Variants in SELENOT observed in about 807,000 individuals in gnomAD.
SELENOT encodes the protein selenoprotein T, also known as thioredoxin reductase-like selenoprotein T.
In SELENOT, 9 loss-of-function variants were observed where a neutral mutation model predicts 24.3. The observed-to-expected ratio is 0.37, with a 90% confidence interval of 0.22 to 0.65. The LOEUF is 0.65. Ranked by LOEUF, SELENOT falls within the 30% of genes least tolerant of loss-of-function variation. The probability of loss-of-function intolerance (pLI) is 0.60; values close to 1 mark genes in which losing one functional copy is unlikely to be tolerated. For missense variants in SELENOT, 166 were observed against 247.6 expected (o/e 0.67, Z 2.21); for synonymous variants, 81 against 86.0 (o/e 0.94, Z 0.32).
intron 3 of SELENOT, among the ~76,000 whole-genome samples, chr3:150,624,177 A>T (rs1461042036): frequency 1.3e-5 from 2 of 152,058 alleles, no homozygotes; most frequent in Non-Finnish European, 2.9e-5. Context: ...AACAAACCCC[A>T]CCTAGCTCCT....
chr3:150,624,748 A>C, intron 3 of SELENOT, 64 bp from the exon 4 acceptor site: 2 of 1,000,144 alleles, frequency 2.0e-6, no homozygotes, highest in Non-Finnish European at 3.0e-6. Context: ...CTTTTAAAGT[A>C]GATTAAAAAG....
chr3:150,621,060 G>A (rs1298192982), intron 1 of SELENOT, among the ~76,000 whole-genome samples: 1 of 152,106 alleles, frequency 6.6e-6, no homozygotes, highest in African/African-American at 2.4e-5. Context: ...AGCATGTAGT[G>A]AGAAAGAATA....
At chr3:150,621,614 C>CTTTTTTTTT (rs35489270) in intron 1 of SELENOT, among the ~76,000 whole-genome samples, 31 of 80,554 alleles carry the variant, frequency 3.8e-4, no homozygotes, top group African/African-American at 4.3e-4. Context: ...GGCATATTTC[C>CTTTTTTTTT]TTTTTTTTTT....
intron 1 of SELENOT, among the ~76,000 whole-genome samples, chr3:150,611,054 T>C (rs1003181446): frequency 6.6e-6 from 1 of 152,134 alleles, no homozygotes; most frequent in Non-Finnish European, 1.5e-5. Context: ...TTTGTTTTCT[T>C]TTTTAATAGT....
chr3:150,615,819 T>C (rs1726199152), intron 1 of SELENOT, among the ~76,000 whole-genome samples: 3 of 152,062 alleles, frequency 2.0e-5, no homozygotes, highest in Admixed American at 1.3e-4. Flanking sequence ...AAGCTACCAA[T>C]GCCTTTCTTC....
intron 1 of SELENOT, among the ~76,000 whole-genome samples, chr3:150,605,037 CAA>C (rs10663147): frequency 3.4e-5 from 4 of 117,174 alleles, no homozygotes; most frequent in Admixed American, 8.8e-5. Context: ...AACTCCGTCT[CAA>C]AAAAAAAAAA....
intron 5 of SELENOT, 120 bp downstream of exon 5, chr3:150,627,283 G>T: frequency 2.6e-6 from 2 of 761,908 alleles, no homozygotes; most frequent in Non-Finnish European, 4.0e-6. Context: ...ACAGAGGGAT[G>T]TATTCTTCAT....
At chr3:150,604,599 G>C (rs1053205506) in intron 1 of SELENOT, among the ~76,000 whole-genome samples, 10 of 152,144 alleles carry the variant, frequency 6.6e-5, no homozygotes, top group African/African-American at 1.9e-4. Flanking sequence ...TCTCCAACTA[G>C]CTTTTTACTT....
Position 150,607,004 on chromosome 3 carries a change from A to G in SELENOT, c.137+3505A>G, listed in dbSNP as rs1425476555. Among the ~76,000 whole-genome samples the G allele has an allele frequency of 2.0e-5, 3 of 152,376 alleles. No homozygotes were observed. The East Asian group carries it at 5.8e-4, about 29-fold the overall frequency. ...ACTTTCTCCGTATATGCGATTTAAC[A>G]TGTAATCAGATCTACAGCATTTAAT... On this transcript the variant is annotated intron_variant, in intron 1 of 5. Transcript: ENST00000471696.
In SELENOT at chr3:150,629,475, G is replaced by A. The variant is rs1470618464; in HGVS notation, c.*1846G>A. 2.0e-5 allele frequency: 3 copies of A among 152,578 alleles called. No individual in the cohort carries two copies. The East Asian group carries it at 5.8e-4, about 29-fold the overall frequency. The allele number at this position is 152,578 out of a possible 1,614,324, so 9.5% of individuals were successfully genotyped here. On this transcript the variant is annotated 3_prime_UTR_variant, in exon 6 of 6. Coordinates refer to ENST00000471696, the MANE Select transcript of SELENOT (RefSeq NM_016275.5). ...TTGAATGTCTTGCTGAATGTGTCTA[G>A]GGGTTCATCTTCAGTAATCGACATT...
Position 150,603,452 on chromosome 3 carries a change from A to G in SELENOT, c.90A>G (p.Arg30=). The change falls in exon 1 of 6, where the codon AGA becomes AGG. Residue 30 remains arginine, a synonymous_variant. Coordinates refer to ENST00000471696, the MANE Select transcript of SELENOT (RefSeq NM_016275.5). ...SANLGGVPSK[R]LKMQYATGPL... ...ATCTGGGCGGCGTGCCCAGCAAGAG[A>G]TTAAAGATGCAGTACGCCACGGGGC... is the stretch of plus-strand genomic sequence containing the variant. 6.2e-7 allele frequency: 1 copy of G among 1,612,860 alleles called. No individual in the cohort carries two copies. Among genetic ancestry groups the G allele is most frequent in the South Asian group, 1.1e-5 (1 of 90,988 alleles).
intron 1 of SELENOT, chr3:150,611,136 A>G: frequency 1.7e-6 from 1 of 596,268 alleles, no homozygotes; most frequent in Non-Finnish European, 2.9e-6. Flanking sequence ...TAATTATTAG[A>G]GTCAGAAACA....
chr3:150,615,073 A>G (rs192778449), intron 1 of SELENOT, among the ~76,000 whole-genome samples: 3 of 129,842 alleles, frequency 2.3e-5, no homozygotes, highest in African/African-American at 8.8e-5. Flanking sequence ...TGTCCATGTG[A>G]TCTCATTGTT....
rs1726460163 is a variant in SELENOT at position 150,627,086 on chromosome 3, A to G, written c.540A>G (p.Glu180=). The G allele has an allele frequency of 1.2e-6, 2 of 1,613,680 alleles. No homozygotes were observed. Among genetic ancestry groups the G allele is most frequent in the Non-Finnish European group, 1.7e-6 (2 of 1,179,738 alleles). Residue 180 remains glutamate, a synonymous_variant, in exon 5 of 6, where the codon GAA becomes GAG. Coordinates refer to ENST00000471696, the MANE Select transcript of SELENOT (RefSeq NM_016275.5). ...AACTTGTTCAAATTCTTGACAATGAAATGAAGCTCAATGTGCATATGGATT... is the reference window on the plus strand; with the variant it reads ...AACTTGTTCAAATTCTTGACAATGAGATGAAGCTCAATGTGCATATGGATT... ...MQQLVQILDN[E]MKLNVHMDSI...
chr3:150,627,064 T>C lies in SELENOT; in HGVS notation c.518T>C (p.Leu173Pro). The part of the protein sequence containing the change: ...ESGHLPSMQQ[L>P]VQILDNEMKL... ...GGTCACCTTCCATCCATGCAACAACTTGTTCAAATTCTTGACAATGAAATG... is the reference window on the plus strand; with the variant it reads ...GGTCACCTTCCATCCATGCAACAACCTGTTCAAATTCTTGACAATGAAATG... The change falls in exon 5 of 6, where the codon CTT becomes CCT. Residue 173 changes from leucine to proline, a missense_variant. Coordinates refer to ENST00000471696, the MANE Select transcript of SELENOT (RefSeq NM_016275.5). 6.2e-7 allele frequency: 1 copy of C among 1,613,838 alleles called. No individual in the cohort carries two copies. Among genetic ancestry groups the C allele is most frequent in the Non-Finnish European group, 8.5e-7 (1 of 1,179,814 alleles).
chr3:150,619,808 G>C (rs1234635787), intron 1 of SELENOT, among the ~76,000 whole-genome samples: 2 of 152,166 alleles, frequency 1.3e-5, no homozygotes, highest in African/African-American at 4.8e-5. Context: ...GAAGACATCT[G>C]TTAGCAGTAG....
chr3:150,616,064 A>G (rs1726205494), intron 1 of SELENOT, among the ~76,000 whole-genome samples: 1 of 151,652 alleles, frequency 6.6e-6, no homozygotes, highest in Non-Finnish European at 1.5e-5. Flanking sequence ...CAACTATCTG[A>G]TCTTTGACAA....
At chr3:150,621,279 A>G (rs1448258837) in intron 1 of SELENOT, among the ~76,000 whole-genome samples, 1 of 151,738 alleles carries the variant, frequency 6.6e-6, no homozygotes, top group Non-Finnish European at 1.5e-5. Flanking sequence ...ACCCCCCCCA[A>G]AAAACACAGG....
chr3:150,626,529 C>T (rs1284380327), intron 4 of SELENOT, among the ~76,000 whole-genome samples: 1 of 152,162 alleles, frequency 6.6e-6, no homozygotes, highest in African/African-American at 2.4e-5. Context: ...CTAATCCTTT[C>T]CACCTTCCCA....
Sources: allele counts gnomAD v4.1 joint callset (sites outside exome capture counted in the v4.1 genomes callset), GRCh38; gene constraint gnomAD v4.1.1; transcripts MANE v1.5; gene names NCBI Gene and HGNC (gene_info 2026-07-23, HGNC 2026-07-21).